The following NVL variants were observed in gnomAD, a reference collection of about 807,000 sequenced individuals.
NVL encodes nuclear valosin-containing protein-like.
Under a neutral mutation model 110.2 loss-of-function variants are expected in NVL, and 84 were observed. The observed-to-expected ratio is 0.76, with a 90% CI of 0.64 to 0.91. NVL has a LOEUF of 0.91. NVL is among the 40% of genes least tolerant of loss of function. NVL has a pLI of 0.00. For synonymous variants in NVL, 354 were observed against 361.1 expected (o/e 0.98, Z 0.22); for missense variants, 882 against 1,035.9 (o/e 0.85, Z 2.04).
intron 22 of NVL, among the ~76,000 whole-genome samples, chr1:224,229,306 A>C (rs1009361111): frequency 6.6e-6 from 1 of 150,450 alleles, no homozygotes; most frequent in South Asian, 2.1e-4. Context: ...CAAAAAAATA[A>C]ATAAATAAAT....
chr1:224,278,226 CT>C (rs931102981), intron 16 of NVL, among the ~76,000 whole-genome samples: 5,335 of 111,116 alleles, frequency 0.048, 58 homozygotes, highest in Admixed American at 0.082. Context: ...ATCATCTAAT[CT>C]TTTTTTTTTT....
chr1:224,269,332 T>A (rs1437033389), intron 17 of NVL, among the ~76,000 whole-genome samples: 1 of 150,948 alleles, frequency 6.6e-6, no homozygotes. Flanking sequence ...CCAATCCTCC[T>A]GCCTTGGCCT....
At chr1:224,239,992 G>A (rs1660983935) in intron 19 of NVL, among the ~76,000 whole-genome samples, 1 of 151,938 alleles carries the variant, frequency 6.6e-6, no homozygotes, top group East Asian at 1.9e-4. Flanking sequence ...ACGCCTCCCA[G>A]GTTCAAGCGA....
intron 20 of NVL, among the ~76,000 whole-genome samples, chr1:224,235,277 C>T (rs1660334120): frequency 6.6e-6 from 1 of 152,166 alleles, no homozygotes; most frequent in Non-Finnish European, 1.5e-5. Context: ...AAGCAATTTT[C>T]CTGTCTCAGC....
intron 14 of NVL, among the ~76,000 whole-genome samples, chr1:224,286,404 C>T (rs1666875816): frequency 6.6e-6 from 1 of 152,030 alleles, no homozygotes; most frequent in Admixed American, 6.6e-5. Context: ...CGGGGTTTCA[C>T]CATGTTGGCC....
At chr1:224,244,407 T>C (rs902078321) in intron 19 of NVL, among the ~76,000 whole-genome samples, 1 of 152,130 alleles carries the variant, frequency 6.6e-6, no homozygotes, top group Non-Finnish European at 1.5e-5. Flanking sequence ...CTTTTAGTGA[T>C]AGACCTCTTA....
intron 17 of NVL, among the ~76,000 whole-genome samples, chr1:224,273,038 A>AC (rs1665316802): frequency 1.1e-5 from 1 of 87,954 alleles, no homozygotes; most frequent in South Asian, 3.9e-4. Flanking sequence ...CGTCTCAAAA[A>AC]AAAACAAAAA....
chr1:224,289,506 G>A lies in NVL; in HGVS notation c.1553C>T (p.Thr518Ile). Reference protein sequence around the residue: ...SKGVQEERLGTEPTSETQDEL... With the variant: ...SKGVQEERLGIEPTSETQDEL... ...CACCTGTGTTTCAGAAGTGGGCTCA[G>A]TTCCCAGCCTTTCCTCCTGGACTCC... Residue 518 changes from threonine to isoleucine, a missense_variant, in exon 13 of 23, where the codon ACT becomes ATT. Physicochemically the swap from Thr to Ile is moderately conservative, Grantham distance 89. Coordinates refer to ENST00000281701, the MANE Select transcript of NVL (RefSeq NM_002533.4). 1 of 1,614,226 alleles carries A rather than the reference G, an allele frequency of 6.2e-7. No individual in the cohort carries two copies. The highest frequency in any genetic ancestry group is 2.2e-5 in the East Asian group (1 of 44,884).
chr1:224,227,524 G>A lies in NVL; in HGVS notation c.*102C>T. 1.1e-6 allele frequency: 1 copy of A among 905,194 alleles called. No homozygotes were observed. The allele number at this position is 905,194 out of a possible 1,614,324, so 56.1% of individuals were successfully genotyped here. ...TCATTTGAAAATAAAATGTTTACAT[G>A]AGGCCGCGCCTGTGTCCAGCTGAAA... On this transcript the variant is annotated 3_prime_UTR_variant, in exon 23 of 23. Transcript: ENST00000281701.
rs1228508966 is a variant in NVL at position 224,287,855 on chromosome 1, A to G, written c.1714T>C (p.Phe572Leu). The G allele has an allele frequency of 6.2e-7, 1 of 1,614,196 alleles. No individual in the cohort carries two copies. Residue 572 changes from phenylalanine to leucine, a missense_variant, in exon 14 of 23, where the codon TTT (phenylalanine) becomes CTT (leucine). Coordinates refer to ENST00000281701, the MANE Select transcript of NVL (RefSeq NM_002533.4). ...SVQPSAKREG[F>L]VTVPNVTWAD... is the part of the protein sequence containing the mutation. ...CATGTCACATTAGGGACAGTGACAA[A>G]GCCTTCCCTTTTGGCAGAGGGTTGG...
At chr1:224,267,859 C>G (rs746510911) in intron 18 of NVL, among the ~76,000 whole-genome samples, 175 bp downstream of exon 18, 3 of 152,144 alleles carry the variant, frequency 2.0e-5, no homozygotes, top group Non-Finnish European at 4.4e-5. Context: ...AGTTTCCTTT[C>G]ACAGAACCAA....
intron 16 of NVL, among the ~76,000 whole-genome samples, chr1:224,278,226 CTTTTTTTTTTT>C (rs931102981): frequency 9.0e-6 from 1 of 111,132 alleles, no homozygotes; most frequent in Non-Finnish European, 1.8e-5. Flanking sequence ...ATCATCTAAT[CTTTTTTTTTTT>C]TTTTTTTTTT....
chr1:224,311,302 C>G (rs938834725), intron 5 of NVL, among the ~76,000 whole-genome samples: 13 of 151,750 alleles, frequency 8.6e-5, no homozygotes, highest in Admixed American at 8.6e-4. Context: ...CTAAAGTGAT[C>G]CACCCTCCTT....
intron 13 of NVL, 137 bp from the exon 14 acceptor site, chr1:224,288,130 TTC>T: frequency 1.5e-6 from 1 of 647,942 alleles, no homozygotes; most frequent in Non-Finnish European, 2.6e-6. Flanking sequence ...TTTAATAATT[TTC>T]TCTCTGACAT....
chr1:224,308,921 C>A (rs1362891998), intron 5 of NVL, among the ~76,000 whole-genome samples: 1 of 151,434 alleles, frequency 6.6e-6, no homozygotes, highest in Non-Finnish European at 1.5e-5. Flanking sequence ...ATTAGCCAGG[C>A]GTGATGGCGG....
At chr1:224,264,663 A>G (rs1664309809) in intron 18 of NVL, among the ~76,000 whole-genome samples, 1 of 152,216 alleles carries the variant, frequency 6.6e-6, no homozygotes. Flanking sequence ...CAATCAAAAC[A>G]ATGTCACGTG....
intron 16 of NVL, among the ~76,000 whole-genome samples, chr1:224,280,286 A>G (rs1453656066): frequency 1.3e-5 from 2 of 151,698 alleles, no homozygotes; most frequent in Admixed American, 6.6e-5. Flanking sequence ...ATTAATTACA[A>G]TCTTTAAAAA....
chr1:224,263,466 C>T (rs1664179587), intron 18 of NVL, among the ~76,000 whole-genome samples: 1 of 152,196 alleles, frequency 6.6e-6, no homozygotes, highest in Non-Finnish European at 1.5e-5. Flanking sequence ...CTTGAACAGA[C>T]ATTTTAGAAA....
chr1:224,284,691 A>G (rs999543005), intron 15 of NVL, among the ~76,000 whole-genome samples: 6 of 152,102 alleles, frequency 3.9e-5, no homozygotes, highest in African/African-American at 1.4e-4. Flanking sequence ...AAAAAACACT[A>G]GTAATTTTTA....
Sources: allele counts gnomAD v4.1 joint callset (sites outside exome capture counted in the v4.1 genomes callset), GRCh38; gene constraint gnomAD v4.1.1; transcripts MANE v1.5; gene names NCBI Gene and HGNC (gene_info 2026-07-23, HGNC 2026-07-21).